Variants in LMF1 observed in about 807,000 individuals in gnomAD.
The protein encoded by LMF1 is lipase maturation factor 1.
Under a neutral mutation model 60.6 loss-of-function variants are expected in LMF1, and 68 were observed. The ratio of observed to expected loss-of-function variants is 1.12; its 90% CI spans 0.92 to 1.37. The LOEUF (loss-of-function observed/expected upper bound fraction) is 1.37. LMF1 is among the 40% of genes most tolerant of loss of function. The pLI, the probability that LMF1 is intolerant of heterozygous loss-of-function variation, is 0.00. For synonymous variants in LMF1, 418 were observed against 324.7 expected (o/e 1.29, Z -3.09); for missense variants, 948 against 767.2 (o/e 1.24, Z -2.78).
intron 1 of LMF1, chr16:980,684 C>T (rs939937489): frequency 3.1e-5 from 4 of 130,620 alleles, no homozygotes; most frequent in Non-Finnish European, 6.3e-5. Context: ...ACGGCCGGGC[C>T]GAGGCCACCT....
intron 1 of LMF1, chr16:980,976 A>T (rs1396737740): frequency 1.3e-5 from 2 of 152,322 alleles, no homozygotes; most frequent in Non-Finnish European, 2.9e-5. Flanking sequence ...CGGCGGCCCC[A>T]GGGACTCAGC....
At chr16:932,006 C>T (rs1006330154) in intron 3 of LMF1, among the ~76,000 whole-genome samples, 9 of 152,236 alleles carry the variant, frequency 5.9e-5, no homozygotes, top group Non-Finnish European at 1.0e-4. Flanking sequence ...CAAGCGCAGC[C>T]CCCGACGGCG....
chr16:943,458 G>A (rs919041635), intron 2 of LMF1, among the ~76,000 whole-genome samples: 3 of 151,324 alleles, frequency 2.0e-5, no homozygotes, highest in Non-Finnish European at 4.4e-5. Flanking sequence ...GGGTGTGGTA[G>A]TTCATGCCTG....
intron 2 of LMF1, chr16:954,120 A>G: frequency 1.5e-6 from 1 of 645,298 alleles, no homozygotes; most frequent in South Asian, 1.5e-5. Flanking sequence ...CTGGCAACGC[A>G]GTCCTTTAAG....
chr16:978,991 A>C (rs768891591), intron 1 of LMF1: 1 of 453,946 alleles, frequency 2.2e-6, no homozygotes, highest in South Asian at 1.6e-5. Context: ...TCCTTCCTGA[A>C]GTCCCCGCCT....
At chr16:880,442 C>T (rs2070128960) in intron 5 of LMF1, among the ~76,000 whole-genome samples, 1 of 152,206 alleles carries the variant, frequency 6.6e-6, no homozygotes, top group Non-Finnish European at 1.5e-5. Context: ...GAGGCCAAGG[C>T]AGGCAGATCA....
At chr16:860,123 A>G (rs2069413255) in intron 10 of LMF1, among the ~76,000 whole-genome samples, 1 of 151,900 alleles carries the variant, frequency 6.6e-6, no homozygotes, top group African/African-American at 2.4e-5. Flanking sequence ...AAACTTCTTT[A>G]CATATTCCAG....
intron 5 of LMF1, among the ~76,000 whole-genome samples, chr16:885,572 A>T (rs1291109635): frequency 1.3e-5 from 2 of 152,228 alleles, no homozygotes; most frequent in Non-Finnish European, 2.9e-5. Context: ...ACGAGCGACG[A>T]GAAGGCTGGA....
At chr16:920,075 T>C (rs1194953349) in intron 3 of LMF1, among the ~76,000 whole-genome samples, 1 of 147,384 alleles carries the variant, frequency 6.8e-6, no homozygotes, top group Non-Finnish European at 1.5e-5. Context: ...ACATCCACAA[T>C]GGCCCCAGCC....
At position 977,580 on chromosome 16, in the gene LMF1, G is replaced by A. The variant is rs149938592; in HGVS notation, c.-135+3565C>T. Among the ~76,000 whole-genome samples, 1,282 of 152,246 alleles carry A rather than the reference G, an allele frequency of 8.4e-3. 21 individuals are homozygous for A. Among genetic ancestry groups the A allele is most frequent in the African/African-American group, 0.029 (1,206 of 41,528 alleles). Reference sequence around the variant, plus strand: ...CCCGGGCCAAGGCTGTGCACACACCGGCTGCCAGCGGGTTCACGCCCGCCG... The same window carrying A: ...CCCGGGCCAAGGCTGTGCACACACCAGCTGCCAGCGGGTTCACGCCCGCCG... On this transcript the variant is annotated intron_variant, in intron 1 of 6. Coordinates refer to the LMF1 transcript ENST00000570014.
chr16:959,411 T>G (rs1468959696), intron 1 of LMF1, among the ~76,000 whole-genome samples: 1 of 151,966 alleles, frequency 6.6e-6, no homozygotes. Context: ...CAGGGGCTGG[T>G]GCAGGGGAAG....
intron 2 of LMF1, among the ~76,000 whole-genome samples, chr16:952,852 C>CACAG (rs2072517515): frequency 1.4e-5 from 2 of 140,130 alleles, no homozygotes; most frequent in South Asian, 4.6e-4. Context: ...TCCACACAGA[C>CACAG]ACCCACCCCA....
At chr16:919,307 C>A (rs926579871) in intron 3 of LMF1, among the ~76,000 whole-genome samples, 3 of 151,980 alleles carry the variant, frequency 2.0e-5, no homozygotes, top group Non-Finnish European at 4.4e-5. Flanking sequence ...GGGGTTGGCA[C>A]ACCTGAGAAG....
At chr16:977,348 G>A (rs2073177128) in intron 1 of LMF1, among the ~76,000 whole-genome samples, 1 of 152,194 alleles carries the variant, frequency 6.6e-6, no homozygotes, top group African/African-American at 2.4e-5. Flanking sequence ...GGTCTTGAGA[G>A]GGGTCCTGCG....
At chr16:887,012 G>A (rs2070328119) in intron 5 of LMF1, 1 of 151,696 alleles carries the variant, frequency 6.6e-6, no homozygotes, top group African/African-American at 2.4e-5. Flanking sequence ...GCCGCCGGAT[G>A]GGATTCAGGC....
At chr16:933,240 G>A (rs936918328) in intron 3 of LMF1, 1 of 152,226 alleles carries the variant, frequency 6.6e-6, no homozygotes, top group Non-Finnish European at 1.5e-5. Flanking sequence ...GCAATTACAG[G>A]AACCTGCCTT....
At chr16:871,431 G>T in intron 6 of LMF1, 90 bp from the exon 7 acceptor site, 1 of 1,267,232 alleles carries the variant, frequency 7.9e-7, no homozygotes, top group Non-Finnish European at 1.1e-6. Flanking sequence ...AGGGAGGGGG[G>T]AGGGAACCTG....
intron 5 of LMF1, among the ~76,000 whole-genome samples, chr16:890,923 C>T (rs949691941): frequency 6.6e-6 from 1 of 152,232 alleles, no homozygotes; most frequent in Non-Finnish European, 1.5e-5. Context: ...CCCGGGCTGC[C>T]CCTGCCTGTG....
intron 10 of LMF1, among the ~76,000 whole-genome samples, chr16:859,913 G>T (rs1487384282): frequency 5.4e-5 from 7 of 129,844 alleles, no homozygotes; most frequent in African/African-American, 2.9e-4. Context: ...GTGTGCAGTG[G>T]TGTCACGGGA....
Sources: gnomAD v4.1 joint callset for allele counts (sites outside exome capture counted in the v4.1 genomes callset) on GRCh38, gnomAD v4.1.1 for gene constraint, MANE v1.5 for transcripts, NCBI Gene and HGNC (gene_info 2026-07-23, HGNC 2026-07-21) for gene names.